TNRC6B: variants seen among roughly 807,000 people sequenced by gnomAD.
The protein encoded by TNRC6B is trinucleotide repeat-containing gene 6B protein.
In TNRC6B, 52 loss-of-function variants were observed where a neutral mutation model predicts 203.6. That is an observed-to-expected ratio of 0.26 (90% CI 0.20 to 0.32). The LOEUF (loss-of-function observed/expected upper bound fraction) is 0.32. Among genes scored for constraint, TNRC6B ranks in the 10% least tolerant of loss-of-function variants. The pLI, the probability that TNRC6B is intolerant of heterozygous loss-of-function variation, is 1.00. For missense variants in TNRC6B, 1,923 were observed against 2,286.2 expected (o/e 0.84, Z 3.24); for synonymous variants, 838 against 845.7 (o/e 0.99, Z 0.16).
chr22:40,246,185 C>T (rs922590688), intron 2 of TNRC6B, 83 bp downstream of exon 2: 19 of 1,108,362 alleles, frequency 1.7e-5, no homozygotes, highest in South Asian at 4.7e-5. Context: ...CTTGAATATC[C>T]GATATCTTTT....
chr22:40,178,568 C>G (rs2069094937), intron 1 of TNRC6B, among the ~76,000 whole-genome samples: 1 of 152,220 alleles, frequency 6.6e-6, no homozygotes, highest in Non-Finnish European at 1.5e-5. Flanking sequence ...TCTGGGAGGG[C>G]AAGCCCTAGA....
At chr22:40,143,739 G>A (rs187862877) in intron 3 of TNRC6B, among the ~76,000 whole-genome samples, 1,737 of 152,214 alleles carry the variant, frequency 0.011, 24 homozygotes, top group African/African-American at 0.038. Flanking sequence ...CTCGTGATCC[G>A]CCCGCCTTGG....
intron 6 of TNRC6B, among the ~76,000 whole-genome samples, chr22:40,271,018 T>C (rs1396984292): frequency 6.6e-6 from 1 of 152,254 alleles, no homozygotes; most frequent in East Asian, 1.9e-4. Flanking sequence ...TTGTCTCTCT[T>C]CCACATAAGA....
intron 12 of TNRC6B, among the ~76,000 whole-genome samples, chr22:40,289,502 TACTC>T (rs1288429559): frequency 2.0e-5 from 3 of 152,184 alleles, no homozygotes; most frequent in African/African-American, 4.8e-5. Flanking sequence ...AGTCTCTTCT[TACTC>T]AGTGTATCAG....
At chr22:40,307,400 C>T (rs1042335103) in intron 15 of TNRC6B, among the ~76,000 whole-genome samples, 6 of 152,194 alleles carry the variant, frequency 3.9e-5, no homozygotes, top group East Asian at 3.9e-4. Context: ...CTCGTGCTGC[C>T]GCTCTGCGCT....
In TNRC6B at chr22:40,281,134, T is replaced by C; in HGVS notation, c.3427T>C (p.Ser1143Pro). ...PYFEKLTLPF[S>P]NQDGCLGDEA... ...TACTTTTCAGCTGACTTTGCCTTTC[T>C]CCAATCAAGATGGGTGCCTTGGGGA... The change falls in exon 11 of 23, where the codon TCC (serine) becomes CCC (proline). Residue 1143 changes from serine to proline, a missense_variant. Around this residue, in one of 8 missense-constraint regions of TNRC6B, gnomAD observed 599 missense variants for 656.5 expected, o/e 0.91. Transcript: ENST00000454349. 6.5e-7 allele frequency: 1 copy of C among 1,549,930 alleles called. No homozygotes were observed. The highest frequency in any genetic ancestry group is 8.7e-7 in the Non-Finnish European group (1 of 1,146,192).
intron 1 of TNRC6B, among the ~76,000 whole-genome samples, chr22:40,082,168 A>G (rs1433083139): frequency 6.6e-6 from 1 of 152,182 alleles, no homozygotes; most frequent in East Asian, 1.9e-4. Context: ...TATGTTAGTA[A>G]ATTTTCAAAG....
At position 40,264,830 on chromosome 22, in the gene TNRC6B, G is replaced by T. The variant is rs749020475; in HGVS notation, c.600G>T (p.Trp200Cys). Residue 200 changes from tryptophan to cysteine, a missense_variant, in exon 5 of 23, where the codon TGG (tryptophan) becomes TGT (cysteine). Trp to Cys is a radical substitution (Grantham distance 215, BLOSUM62 -2). Transcript: ENST00000454349. The part of the protein sequence containing the change: ...VIVDGSDMEE[W>C]PCIASKDTES... The stretch of plus-strand genomic sequence containing the variant: ...TAGACGGGTCTGACATGGAAGAGTG[G>T]CCTTGTATTGCCAGCAAAGACACTG... The T allele has an allele frequency of 6.2e-7, 1 of 1,613,906 alleles. No homozygotes were observed. The highest frequency in any genetic ancestry group is 8.5e-7 in the Non-Finnish European group (1 of 1,179,890).
At chr22:40,114,284 G>A (rs929163148) in intron 1 of TNRC6B, among the ~76,000 whole-genome samples, 1 of 152,006 alleles carries the variant, frequency 6.6e-6, no homozygotes, top group Non-Finnish European at 1.5e-5. Context: ...AATCCTGTGA[G>A]TTTAGTTAGG....
chr22:40,279,056 C>T (rs1036751850), intron 9 of TNRC6B, among the ~76,000 whole-genome samples: 1 of 152,112 alleles, frequency 6.6e-6, no homozygotes, highest in African/African-American at 2.4e-5. Context: ...TTTTATATGT[C>T]AGAACTAATT....
intron 1 of TNRC6B, among the ~76,000 whole-genome samples, chr22:40,071,547 A>G (rs1419140435): frequency 6.6e-6 from 1 of 152,248 alleles, no homozygotes; most frequent in Non-Finnish European, 1.5e-5. Context: ...TACTTATGAT[A>G]ACATGAAACT....
intron 1 of TNRC6B, among the ~76,000 whole-genome samples, chr22:40,183,150 C>A (rs1293812189): frequency 6.6e-6 from 1 of 152,110 alleles, no homozygotes; most frequent in African/African-American, 2.4e-5. Flanking sequence ...ATGGTAGGCT[C>A]GTTTCCTCAC....
chr22:40,133,361 T>G (rs1044513051), intron 3 of TNRC6B, among the ~76,000 whole-genome samples: 1 of 152,048 alleles, frequency 6.6e-6, no homozygotes, highest in African/African-American at 2.4e-5. Flanking sequence ...CAACAAACAT[T>G]TATTGGGCAC....
intron 3 of TNRC6B, among the ~76,000 whole-genome samples, chr22:40,132,910 C>G (rs1332293099): frequency 3.9e-4 from 51 of 129,162 alleles, no homozygotes; most frequent in African/African-American, 1.4e-3. Flanking sequence ...CGCCACTGCA[C>G]TCCAGCCTGG....
intron 1 of TNRC6B, among the ~76,000 whole-genome samples, chr22:40,105,530 C>T (rs929701496): frequency 6.6e-6 from 1 of 152,042 alleles, no homozygotes; most frequent in African/African-American, 2.4e-5. Flanking sequence ...ATAGTTTTGC[C>T]TGGTTTTGAA....
At chr22:40,162,214 C>G (rs1380371503) in intron 4 of TNRC6B, among the ~76,000 whole-genome samples, 1 of 152,146 alleles carries the variant, frequency 6.6e-6, no homozygotes, top group Admixed American at 6.6e-5. Context: ...CTGCCCCAGC[C>G]TCCCAAGTAG....
chr22:40,316,755 T>A (rs1356003960), intron 21 of TNRC6B, among the ~76,000 whole-genome samples: 2 of 152,172 alleles, frequency 1.3e-5, no homozygotes, highest in African/African-American at 4.8e-5. Context: ...ACAGTCTACT[T>A]CTGGAGAAGG....
intron 1 of TNRC6B, among the ~76,000 whole-genome samples, chr22:40,088,901 CAAGT>C (rs1469788273): frequency 2.0e-5 from 3 of 152,022 alleles, no homozygotes; most frequent in Non-Finnish European, 4.4e-5. Context: ...AAATGAGAAA[CAAGT>C]AAACCTAAAT....
chr22:40,262,995 G>A lies in TNRC6B; in HGVS notation c.457+822G>A, dbSNP rs866909145. Among the ~76,000 whole-genome samples, 7 of 150,582 alleles carry A rather than the reference G, an allele frequency of 4.6e-5. No individual in the cohort carries two copies. In the South Asian group the frequency reaches 6.3e-4, roughly 14 times the overall value. On this transcript the variant is annotated intron_variant, in intron 4 of 22. Transcript: ENST00000454349. The stretch of plus-strand genomic sequence containing the variant: ...GCGGAGCTTGCAGTGAGCCGAGGTC[G>A]CGCCATTGCACTCCAGCCTGGGTGA...
Sources: gnomAD v4.1 joint callset for allele counts (sites outside exome capture counted in the v4.1 genomes callset) on GRCh38, gnomAD v4.1.1 for gene constraint, gnomAD v4.1.1 regional missense constraint, MANE v1.5 for transcripts, NCBI Gene and HGNC (gene_info 2026-07-23, HGNC 2026-07-21) for gene names.